Variants in STK32B observed in about 807,000 individuals in gnomAD.
STK32B encodes the protein serine/threonine kinase 32B, also known as serine/threonine-protein kinase 32B.
In STK32B, 43 loss-of-function variants were observed where a neutral mutation model predicts 52.6. The ratio of observed to expected loss-of-function variants is 0.82; its 90% CI spans 0.64 to 1.05. The LOEUF is 1.05. STK32B is among the 50% of genes least tolerant of loss of function. The pLI is 0.00. For missense variants in STK32B, 621 were observed against 534.6 expected, an observed-to-expected ratio of 1.16 and a Z score of -1.59; for synonymous variants, 238 against 204.3, an observed-to-expected ratio of 1.17 and a Z score of -1.41.
chr4:5,226,331 C>T (rs1468849247), intron 3 of STK32B, among the ~76,000 whole-genome samples: 1 of 152,220 alleles, frequency 6.6e-6, no homozygotes, highest in African/African-American at 2.4e-5. Context: ...TACACGTGGA[C>T]ATCCAGGACA....
At chr4:5,036,659 ATTTTTTTTTT>A in the STK32B span, among the ~76,000 whole-genome samples, 3 of 74,234 alleles carry the variant, frequency 4.0e-5, no homozygotes, top group Non-Finnish European at 4.9e-5. Context: ...GCAAGGGTGG[ATTTTTTTTTT>A]TTTTTTTTTT....
intron 6 of STK32B, among the ~76,000 whole-genome samples, chr4:5,444,286 C>G (rs145738642): frequency 1.3e-5 from 2 of 152,196 alleles, no homozygotes; most frequent in Non-Finnish European, 2.9e-5. Flanking sequence ...AAGTCAGGTG[C>G]GGGATATAAT....
rs180982296 is a variant in STK32B at position 5,139,301 on chromosome 4, G to C, written c.53-604G>C. 2.0e-4 allele frequency among the ~76,000 whole-genome samples: 31 copies of C among 152,282 alleles called. 1 individual carries two copies. The highest frequency in any genetic ancestry group is 1.0e-3 in the Admixed American group (16 of 15,298). On this transcript the variant is annotated intron_variant, in intron 1 of 11. Coordinates refer to ENST00000282908, the MANE Select transcript of STK32B (RefSeq NM_018401.3). ...CTTTGGATCTGTTGAGTTCATGGTG[G>C]CTTTGGAACCTCCATGAGGACCTGA...
intron 3 of STK32B, among the ~76,000 whole-genome samples, chr4:5,306,386 C>T (rs907723578): frequency 2.6e-5 from 4 of 152,068 alleles, no homozygotes; most frequent in Non-Finnish European, 5.9e-5. Context: ...TTGGGAACTC[C>T]AGCGTTAGGT....
chr4:5,100,313 C>CCTCCCTCCCTT (rs1437952346), intron 1 of STK32B, among the ~76,000 whole-genome samples: 1 of 151,234 alleles, frequency 6.6e-6, no homozygotes, highest in Admixed American at 6.6e-5. Flanking sequence ...CAAGGTTACC[C>CCTCCCTCCCTT]CTCCCTCCCT....
At chr4:5,128,696 C>T (rs73089692) in intron 1 of STK32B, among the ~76,000 whole-genome samples, 17,953 of 152,192 alleles carry the variant, frequency 0.12, 1,339 homozygotes, top group Admixed American at 0.24. Flanking sequence ...GGGGAGTAAA[C>T]AGGGAGTGGA....
chr4:5,222,660 ATC>A (rs1185223488), intron 3 of STK32B, among the ~76,000 whole-genome samples: 1 of 152,238 alleles, frequency 6.6e-6, no homozygotes, highest in Non-Finnish European at 1.5e-5. Context: ...GCTGGAGGAA[ATC>A]TCTAAGCATC....
At chr4:5,327,472 G>T (rs1241471881) in intron 3 of STK32B, among the ~76,000 whole-genome samples, 2 of 151,698 alleles carry the variant, frequency 1.3e-5, no homozygotes, top group Non-Finnish European at 2.9e-5. Context: ...GCTGCAGGAT[G>T]GATGTTGTTT....
chr4:5,217,662 A>C (rs754997390), intron 3 of STK32B, among the ~76,000 whole-genome samples: 1 of 152,228 alleles, frequency 6.6e-6, no homozygotes, highest in Non-Finnish European at 1.5e-5. Flanking sequence ...TATTGTTTTA[A>C]TAATTTGGAG....
At chr4:5,079,290 C>CTT (rs72601108) in intron 1 of STK32B, among the ~76,000 whole-genome samples, 138,893 of 152,166 alleles carry the variant, frequency 0.91, 64,692 homozygotes, top group East Asian at 1. Context: ...ATACATAAAA[C>CTT]TGCACTTTTT....
chr4:5,280,792 G>C (rs1320935206), intron 3 of STK32B, among the ~76,000 whole-genome samples: 1 of 152,008 alleles, frequency 6.6e-6, no homozygotes, highest in Non-Finnish European at 1.5e-5. Flanking sequence ...CCAGCTACTT[G>C]GGAGACTGAG....
At chr4:5,317,180 A>ATATAACATATATAT (rs1731042373) in intron 3 of STK32B, among the ~76,000 whole-genome samples, 1 of 49,566 alleles carries the variant, frequency 2.0e-5, no homozygotes, top group African/African-American at 1.9e-4. Flanking sequence ...AACATATAAT[A>ATATAACATATATAT]TATATATATA....
chr4:5,125,221 T>C (rs1715289168), intron 1 of STK32B, among the ~76,000 whole-genome samples: 1 of 152,128 alleles, frequency 6.6e-6, no homozygotes. Flanking sequence ...GTTGGTCTTC[T>C]GATACCTTAA....
chr4:5,156,463 G>A (rs537677505), intron 2 of STK32B, among the ~76,000 whole-genome samples: 1 of 151,980 alleles, frequency 6.6e-6, no homozygotes, highest in African/African-American at 2.4e-5. Flanking sequence ...ACTCACCCTC[G>A]TCCAGCCCCT....
chr4:5,119,023 T>C (rs1714885972), intron 1 of STK32B, among the ~76,000 whole-genome samples: 1 of 152,190 alleles, frequency 6.6e-6, no homozygotes, highest in African/African-American at 2.4e-5. Context: ...CTACCTACCA[T>C]AAAATTTGGA....
intron 5 of STK32B, among the ~76,000 whole-genome samples, chr4:5,411,531 T>C (rs971867787): frequency 6.6e-6 from 1 of 152,244 alleles, no homozygotes; most frequent in African/African-American, 2.4e-5. Flanking sequence ...TTAGGCATTA[T>C]AATTAATCTA....
At chr4:5,317,003 A>G (rs1343667001) in intron 3 of STK32B, among the ~76,000 whole-genome samples, 3 of 38,554 alleles carry the variant, frequency 7.8e-5, no homozygotes, top group Non-Finnish European at 1.1e-4. Context: ...GATATAATAT[A>G]TAATATATAT....
Position 5,309,610 on chromosome 4 carries a change from G to A in STK32B, c.261-21610G>A, listed in dbSNP as rs139530923. Among the ~76,000 whole-genome samples, 53 of 152,056 alleles carry A rather than the reference G, an allele frequency of 3.5e-4. 1 individual carries two copies. The highest frequency in any genetic ancestry group is 3.3e-3 in the Admixed American group (50 of 15,276). ...TACAACCAATGGACTTTTGGCAAAG[G>A]TACCAATAACATTTACAGGGGAGAA... is the stretch of plus-strand genomic sequence containing the variant. On this transcript the variant is annotated intron_variant, in intron 3 of 11. Transcript: ENST00000282908.
intron 6 of STK32B, chr4:5,435,985 A>C (rs969718953): frequency 6.6e-5 from 10 of 152,284 alleles, no homozygotes; most frequent in African/African-American, 2.4e-4. Flanking sequence ...TGAGTTGGGA[A>C]AGAGTGTCAG....
Sources: gnomAD v4.1 joint callset for allele counts (sites outside exome capture counted in the v4.1 genomes callset) on GRCh38, gnomAD v4.1.1 for gene constraint, MANE v1.5 for transcripts, NCBI Gene and HGNC (gene_info 2026-07-23, HGNC 2026-07-21) for gene names.